Variants in GRAMD1B observed in about 807,000 individuals in gnomAD.
GRAMD1B encodes protein Aster-B.
Under a neutral mutation model 99.7 loss-of-function variants are expected in GRAMD1B, and 37 were observed. The ratio of observed to expected loss-of-function variants is 0.37; its 90% CI spans 0.29 to 0.49. GRAMD1B has a LOEUF of 0.49. Ranked by LOEUF, GRAMD1B falls within the 20% of genes least tolerant of loss-of-function variation. The pLI is 0.98. For missense variants in GRAMD1B, 888 were observed against 1,009.2 expected, an observed-to-expected ratio of 0.88 and a Z score of 1.63; for synonymous variants, 427 against 387.6, an observed-to-expected ratio of 1.10 and a Z score of -1.19.
chr11:123,405,192 ATGTGTGTGTG>A (rs145624429), intron 1 of GRAMD1B, among the ~76,000 whole-genome samples: 5 of 147,838 alleles, frequency 3.4e-5, no homozygotes, highest in African/African-American at 9.9e-5. Flanking sequence ...TCATGTGTGC[ATGTGTGTGTG>A]TGTGTGTGTG....
intron 2 of GRAMD1B, among the ~76,000 whole-genome samples, chr11:123,487,941 G>A (rs904204625): frequency 6.6e-6 from 1 of 152,196 alleles, no homozygotes; most frequent in East Asian, 1.9e-4. Flanking sequence ...GAGCACCCGA[G>A]TGTCTTAGTG....
intron 2 of GRAMD1B, among the ~76,000 whole-genome samples, chr11:123,496,962 AT>A (rs1377771220): frequency 2.6e-5 from 4 of 152,028 alleles, no homozygotes; most frequent in Admixed American, 2.6e-4. Flanking sequence ...TTGGTGCCTT[AT>A]TTAGTTTGTT....
In GRAMD1B at chr11:123,510,949, G is replaced by GT. The variant is rs1940940039; in HGVS notation, c.452+30057dup. On this transcript the variant is annotated intron_variant, in intron 2 of 19. Transcript: ENST00000635736. This position sits in a 1 kb window ranked among gnomAD's most constrained non-coding sequence, Gnocchi z 4.3. ...GGAGTGGGTGGATGAGGGGTGCAGG[G>GT]TGGGGGGTGGAGGTATCTGTAGCTT... Among the ~76,000 whole-genome samples the GT allele has an allele frequency of 6.6e-6, 1 of 152,164 alleles. No individual in the cohort carries two copies. Among genetic ancestry groups the GT allele is most frequent in the African/African-American group, 2.4e-5 (1 of 41,440 alleles).
At chr11:123,550,255 T>G (rs1239350776) in intron 2 of GRAMD1B, among the ~76,000 whole-genome samples, 1 of 152,096 alleles carries the variant, frequency 6.6e-6, no homozygotes, top group Non-Finnish European at 1.5e-5. Context: ...CTCCCATTGA[T>G]CAACCTCTCG....
intron 2 of GRAMD1B, among the ~76,000 whole-genome samples, chr11:123,525,291 C>T (rs184356405): frequency 4.3e-4 from 65 of 152,306 alleles, no homozygotes; most frequent in Admixed American, 1.6e-3. Flanking sequence ...CTGCTTGCCC[C>T]GCCTTGCGGG....
chr11:123,477,416 A>G (rs1951342903), intron 1 of GRAMD1B, among the ~76,000 whole-genome samples: 2 of 149,692 alleles, frequency 1.3e-5, no homozygotes, highest in Non-Finnish European at 3.0e-5. Flanking sequence ...TGGAATTGTC[A>G]CTGGACTAGC....
chr11:123,503,611 A>G (rs1159511153), intron 2 of GRAMD1B, among the ~76,000 whole-genome samples: 3 of 151,662 alleles, frequency 2.0e-5, no homozygotes, highest in African/African-American at 7.3e-5. Flanking sequence ...CAATGGTGCA[A>G]TCTTGGCTCA....
chr11:123,423,241 G>GACACACACACACAC (rs57312255), intron 1 of GRAMD1B, among the ~76,000 whole-genome samples: 1 of 146,184 alleles, frequency 6.8e-6, no homozygotes. Context: ...CCAACAATAA[G>GACACACACACACAC]ACACACACAC....
intron 2 of GRAMD1B, among the ~76,000 whole-genome samples, chr11:123,497,729 C>T (rs1003941027): frequency 6.6e-6 from 1 of 151,932 alleles, no homozygotes; most frequent in Non-Finnish European, 1.5e-5. Flanking sequence ...AGTGAAACCC[C>T]GTCTCTACTA....
In GRAMD1B at chr11:123,610,139, T is replaced by C; in HGVS notation, c.1777-57T>C. 1.3e-6 allele frequency: 2 copies of C among 1,585,492 alleles called. No homozygotes were observed. The highest frequency in any genetic ancestry group is 1.7e-5 in the Admixed American group (1 of 59,076). On this transcript the variant is annotated intron_variant, in intron 13 of 19. Transcript: ENST00000635736. The surrounding 1 kb of genome is among the most constrained non-coding windows in gnomAD (Gnocchi z 4.1). ...GGCTTGGGGAGGCTGGAGAAGGTGC[T>C]TTTCCAAGCTTCTTGCTCCTCTTCA...
intron 3 of GRAMD1B, among the ~76,000 whole-genome samples, chr11:123,583,453 T>C (rs1949690386): frequency 6.6e-6 from 1 of 152,106 alleles, no homozygotes; most frequent in Admixed American, 6.6e-5. Context: ...CGTGTATGTG[T>C]ATGAGTATGT....
At position 123,430,935 on chromosome 11, in the gene GRAMD1B, TG is replaced by T. The variant is rs1397408965; in HGVS notation, c.144del (p.Met48IlefsTer66). On this transcript the variant is annotated frameshift_variant, in exon 1 of 20. Transcript: ENST00000635736. LOFTEE classifies it high-confidence loss of function. ...LRRRRFKMRR[M>X]KNVQEQSLEA... Reference sequence around the variant, plus strand: ...CGCCGGCGCTTCAAGATGCGCCGCATGAAGAACGTACAGGAGCAGAGCCTGG... The same window carrying T: ...CGCCGGCGCTTCAAGATGCGCCGCATAAGAACGTACAGGAGCAGAGCCTGG... 1 of 702,588 alleles carries T rather than the reference TG, an allele frequency of 1.4e-6. No homozygotes were observed. The highest frequency in any genetic ancestry group is 2.6e-6 in the Non-Finnish European group (1 of 384,820). The allele number at this position is 702,588 out of a possible 1,614,324, so 43.5% of individuals were successfully genotyped here. A position where few individuals can be genotyped will look rare whatever the true frequency, so the allele number is the denominator to read the frequency against.
At chr11:123,361,275 C>G (rs751129589) in intron 1 of GRAMD1B, among the ~76,000 whole-genome samples, 4 of 152,192 alleles carry the variant, frequency 2.6e-5, no homozygotes, top group Non-Finnish European at 5.9e-5. Context: ...ACTGAAATCA[C>G]CAGCCCTAGG....
intron 2 of GRAMD1B, among the ~76,000 whole-genome samples, chr11:123,525,406 G>T (rs936637376): frequency 1.2e-4 from 18 of 152,118 alleles, no homozygotes; most frequent in Non-Finnish European, 2.5e-4. Flanking sequence ...GAGGACCTAG[G>T]GTCCAGGTTC....
chr11:123,548,289 AAAAT>A (rs1945212991), intron 2 of GRAMD1B, among the ~76,000 whole-genome samples: 2 of 57,340 alleles, frequency 3.5e-5, no homozygotes, highest in East Asian at 4.6e-4. Flanking sequence ...AGGCTGTGCC[AAAAT>A]ATATATATAT....
intron 3 of GRAMD1B, among the ~76,000 whole-genome samples, chr11:123,578,215 A>G (rs1197276415): frequency 6.6e-6 from 1 of 152,010 alleles, no homozygotes; most frequent in African/African-American, 2.4e-5. Flanking sequence ...GGGGAGCAGG[A>G]GATGTCTTTG....
chr11:123,508,841 A>G (rs1940699610), intron 2 of GRAMD1B, among the ~76,000 whole-genome samples: 1 of 152,062 alleles, frequency 6.6e-6, no homozygotes, highest in Non-Finnish European at 1.5e-5. Flanking sequence ...GTGTACCACC[A>G]TGACTGGCTA....
intron 1 of GRAMD1B, among the ~76,000 whole-genome samples, chr11:123,364,030 T>C (rs1215233238): frequency 1.3e-5 from 2 of 151,836 alleles, no homozygotes; most frequent in Non-Finnish European, 2.9e-5. Context: ...TGTGAGACTG[T>C]TCAGAAGGCT....
chr11:123,537,974 G>A (rs536896011), intron 2 of GRAMD1B, among the ~76,000 whole-genome samples: 129 of 152,238 alleles, frequency 8.5e-4, no homozygotes, highest in African/African-American at 2.7e-3. Context: ...CAGTTTTTAT[G>A]CTGATCACTA....
Sources: gnomAD v4.1 joint callset for allele counts (sites outside exome capture counted in the v4.1 genomes callset) on GRCh38, gnomAD v4.1.1 for gene constraint, Gnocchi (gnomAD v3.1) non-coding constraint, MANE v1.5 for transcripts, NCBI Gene and HGNC (gene_info 2026-07-23, HGNC 2026-07-21) for gene names.